SYCP1: variants seen among roughly 807,000 people sequenced by gnomAD.
The protein encoded by SYCP1 is synaptonemal complex protein 1, also known as cancer/testis antigen 8.
A neutral mutation model predicts 153.1 loss-of-function variants in SYCP1; 64 were observed. The observed-to-expected ratio is 0.42, with a 90% CI of 0.34 to 0.51. SYCP1 has a LOEUF of 0.51. SYCP1 is among the 20% of genes least tolerant of loss of function. The probability of loss-of-function intolerance (pLI) is 0.06; values close to 1 mark genes in which losing one functional copy is unlikely to be tolerated. For synonymous variants in SYCP1, 384 were observed against 341.8 expected, an observed-to-expected ratio of 1.12 and a Z score of -1.36; for missense variants, 997 against 1,049.0, an observed-to-expected ratio of 0.95 and a Z score of 0.68.
chr1:114,991,779 A>C (rs938573437), intron 30 of SYCP1, among the ~76,000 whole-genome samples: 1 of 151,816 alleles, frequency 6.6e-6, no homozygotes, highest in Non-Finnish European at 1.5e-5. Context: ...CTGCTATTCA[A>C]CATTGTACTG....
intron 16 of SYCP1, among the ~76,000 whole-genome samples, chr1:114,900,882 CAT>C (rs1224925277): frequency 6.6e-6 from 1 of 152,206 alleles, no homozygotes; most frequent in African/African-American, 2.4e-5. Flanking sequence ...ATCTGACCTG[CAT>C]AATTTAGTCC....
intron 3 of SYCP1, 76 bp from the exon 4 acceptor site, chr1:114,857,156 A>AAAAAAAAAAAAAAAAAAAAGAG (rs774041717): frequency 1.1e-6 from 1 of 917,268 alleles, no homozygotes; most frequent in Non-Finnish European, 1.5e-6. Flanking sequence ...AAAAAAAAAA[A>AAAAAAAAAAAAAAAAAAAAGAG]AGAGAAAAAA....
intron 17 of SYCP1, among the ~76,000 whole-genome samples, 176 bp downstream of exon 17, chr1:114,910,677 A>T (rs1181571227): frequency 1.3e-5 from 2 of 152,198 alleles, no homozygotes; most frequent in African/African-American, 2.4e-5. Flanking sequence ...CAACCCCCAT[A>T]TTATAATGTG....
chr1:114,959,673 ATT>A (rs759191785), intron 27 of SYCP1, among the ~76,000 whole-genome samples: 193 of 151,986 alleles, frequency 1.3e-3, no homozygotes, highest in Non-Finnish European at 1.8e-3. Flanking sequence ...TATCTTATTC[ATT>A]CTTTCTATTT....
intron 19 of SYCP1, among the ~76,000 whole-genome samples, chr1:114,913,518 T>G (rs1350746322): frequency 6.6e-6 from 1 of 152,088 alleles, no homozygotes; most frequent in African/African-American, 2.4e-5. Flanking sequence ...TAGTAATTTC[T>G]CACATAACTT....
chr1:114,897,332 C>A (rs1230155354), intron 16 of SYCP1, among the ~76,000 whole-genome samples: 2 of 151,980 alleles, frequency 1.3e-5, no homozygotes, highest in African/African-American at 4.8e-5. Flanking sequence ...GTTTGATGGC[C>A]TGAAGGTGAG....
chr1:114,868,815 G>T lies in SYCP1; in HGVS notation c.599-5691G>T, dbSNP rs1405956683. ...TTGACAGTTGGTCCATTCCATTTAG[G>T]TTAGCAAACCTGTGGGCATAGAATT... On this transcript the variant is annotated intron_variant, in intron 8 of 31. Coordinates refer to ENST00000369522, the MANE Select transcript of SYCP1 (RefSeq NM_003176.4). Among the ~76,000 whole-genome samples, 6 of 152,128 alleles carry T rather than the reference G, an allele frequency of 3.9e-5. No homozygotes were observed. In the South Asian group the frequency reaches 1.0e-3, roughly 26 times the overall value.
chr1:114,885,544 G>A lies in SYCP1; in HGVS notation c.920G>A (p.Ser307Asn), dbSNP rs1203818526. The part of the protein sequence containing the change: ...NQLEEKTKLQ[S>N]ENLKQSIEKQ... Reference sequence around the variant, plus strand: ...TAACTTTCTCTTTTAGAATTACAGAGTGAAAACTTAAAACAATCAATTGAG... The same window carrying A: ...TAACTTTCTCTTTTAGAATTACAGAATGAAAACTTAAAACAATCAATTGAG... Residue 307 changes from serine to asparagine, a missense_variant, in exon 13 of 32, where the codon AGT becomes AAT. This residue lies in a region of SYCP1 where 285 missense variants were observed against 366.1 expected (regional missense o/e 0.78). Transcript: ENST00000369522. 2 of 1,555,000 alleles carry A rather than the reference G, an allele frequency of 1.3e-6. No homozygotes were observed. The highest frequency in any genetic ancestry group is 1.8e-6 in the Non-Finnish European group (2 of 1,140,082).
intron 28 of SYCP1, among the ~76,000 whole-genome samples, chr1:114,979,022 T>C (rs951177352): frequency 1.3e-5 from 2 of 151,626 alleles, no homozygotes; most frequent in African/African-American, 4.8e-5. Flanking sequence ...CATTATCAAG[T>C]AGATTAGCAA....
At chr1:114,988,232 A>G (rs1673670547) in intron 30 of SYCP1, among the ~76,000 whole-genome samples, 1 of 151,898 alleles carries the variant, frequency 6.6e-6, no homozygotes, top group South Asian at 2.1e-4. Flanking sequence ...AGACAGAGAG[A>G]GAAAAAGAGA....
intron 15 of SYCP1, among the ~76,000 whole-genome samples, chr1:114,894,359 C>T (rs1005651432): frequency 6.6e-6 from 1 of 152,076 alleles, no homozygotes; most frequent in African/African-American, 2.4e-5. Context: ...TCAATAAGGA[C>T]CCTTAACAGT....
chr1:114,855,329 CT>C (rs56672723), intron 1 of SYCP1, 111 bp from the exon 2 acceptor site: 244,944 of 510,750 alleles, frequency 0.48, 61,982 homozygotes, highest in Non-Finnish European at 0.53. Flanking sequence ...CCGTGGATTC[CT>C]TTTTTTTTAG....
At chr1:114,862,502 A>G (rs908521634) in intron 8 of SYCP1, among the ~76,000 whole-genome samples, 5 of 152,038 alleles carry the variant, frequency 3.3e-5, no homozygotes, top group Admixed American at 2.6e-4. Context: ...GGTGCCCACC[A>G]CCACGCTGGC....
At chr1:114,884,253 C>T (rs1666151001) in intron 12 of SYCP1, among the ~76,000 whole-genome samples, 1 of 152,142 alleles carries the variant, frequency 6.6e-6, no homozygotes. Flanking sequence ...GCCTTATGCT[C>T]CTAAAATACA....
At chr1:114,949,359 C>T (rs957190290) in intron 27 of SYCP1, among the ~76,000 whole-genome samples, 2 of 152,150 alleles carry the variant, frequency 1.3e-5, no homozygotes, top group Admixed American at 6.5e-5. Flanking sequence ...ATCGGGAATG[C>T]CAGAGCCTCA....
At chr1:114,947,811 CAAAAAAAAA>C (rs1174716918) in intron 27 of SYCP1, among the ~76,000 whole-genome samples, 6 of 43,880 alleles carry the variant, frequency 1.4e-4, no homozygotes, top group East Asian at 8.4e-4. Context: ...GACTCCGTCT[CAAAAAAAAA>C]AAAAAAAAAA....
chr1:114,947,009 G>GA (rs751626370), intron 26 of SYCP1, among the ~76,000 whole-genome samples: 3 of 152,058 alleles, frequency 2.0e-5, no homozygotes, highest in Non-Finnish European at 4.4e-5. Flanking sequence ...GCCTCCCAGG[G>GA]AAGTGCTGGG....
At chr1:114,955,788 G>C (rs1445911467) in intron 27 of SYCP1, among the ~76,000 whole-genome samples, 5 of 152,250 alleles carry the variant, frequency 3.3e-5, no homozygotes, top group Admixed American at 2.0e-4. Flanking sequence ...TGAGAGTGCA[G>C]ACTGACAGTA....
intron 12 of SYCP1, among the ~76,000 whole-genome samples, chr1:114,881,461 CATT>C (rs1665920962): frequency 6.6e-6 from 1 of 151,182 alleles, no homozygotes; most frequent in Non-Finnish European, 1.5e-5. Context: ...GCACACTGTA[CATT>C]ATTTCTAGAC....
Sources: gnomAD v4.1 joint callset for allele counts (sites outside exome capture counted in the v4.1 genomes callset) on GRCh38, gnomAD v4.1.1 for gene constraint, gnomAD v4.1.1 regional missense constraint, MANE v1.5 for transcripts, NCBI Gene and HGNC (gene_info 2026-07-23, HGNC 2026-07-21) for gene names.